The following TBC1D32 variants were observed in gnomAD, a reference collection of about 807,000 sequenced individuals.
TBC1D32 encodes the protein TBC1 domain family member 32.
Under a neutral mutation model 170.3 loss-of-function variants are expected in TBC1D32, and 151 were observed. The observed-to-expected ratio is 0.89, with a 90% CI of 0.78 to 1.01. The LOEUF is 1.01. Among genes scored for constraint, TBC1D32 ranks in the 50% least tolerant of loss-of-function variants. The pLI, the probability that TBC1D32 is intolerant of heterozygous loss-of-function variation, is 0.00. For synonymous variants in TBC1D32, 498 were observed against 488.0 expected (o/e 1.02, Z -0.27); for missense variants, 1,464 against 1,457.1 (o/e 1.00, Z -0.08).
chr6:121,187,954 C>T (rs1789420381), intron 22 of TBC1D32, among the ~76,000 whole-genome samples: 2 of 152,084 alleles, frequency 1.3e-5, no homozygotes, highest in Admixed American at 6.6e-5. Context: ...GATTGTGGGG[C>T]ACCTTGACAT....
Position 121,308,686 on chromosome 6 carries a change from C to CTTTTT in TBC1D32, c.565-590_565-586dup, listed in dbSNP as rs67847088. On this transcript the variant is annotated intron_variant, in intron 4 of 31. Transcript: ENST00000398212. The stretch of plus-strand genomic sequence containing the variant: ...CTGTATTTTCACAGAAAGCTTACTT[C>CTTTTT]TTTTTTTTTTTTTTTTTTTTGAGAC... 7.0e-3 allele frequency among the ~76,000 whole-genome samples: 791 copies of CTTTTT among 112,392 alleles called. 61 individuals are homozygous for CTTTTT. Among genetic ancestry groups the CTTTTT allele is most frequent in the African/African-American group, 0.023 (586 of 25,748 alleles). The allele number at this position is 112,392 out of a possible 152,430, so 73.7% of individuals were successfully genotyped here. A position where few individuals can be genotyped will look rare whatever the true frequency, so the allele number is the denominator to read the frequency against.
At chr6:121,115,978 C>T (rs374770998) in intron 26 of TBC1D32, among the ~76,000 whole-genome samples, 1 of 152,196 alleles carries the variant, frequency 6.6e-6, no homozygotes, top group East Asian at 1.9e-4. Flanking sequence ...TAACAGTGAA[C>T]CCTCAAAGGC....
chr6:121,200,677 T>G (rs994455866), intron 22 of TBC1D32, among the ~76,000 whole-genome samples: 5 of 151,482 alleles, frequency 3.3e-5, no homozygotes, highest in Admixed American at 6.6e-5. Flanking sequence ...AAATTAACTA[T>G]TAAATCTGTG....
Position 121,273,616 on chromosome 6 carries a change from C to G in TBC1D32, c.1733+5505G>C. ...AAAACCTGCACATTGTGCACATGTA[C>G]CCTAGAACTTAAAGTATAATTTAAA... On this transcript the variant is annotated intron_variant, in intron 15 of 31. Coordinates refer to ENST00000398212, the MANE Select transcript of TBC1D32 (RefSeq NM_152730.6). Among the ~76,000 whole-genome samples, 4 of 150,712 alleles carry G rather than the reference C, an allele frequency of 2.7e-5. 2 individuals carry two copies. Among genetic ancestry groups the G allele is most frequent in the Admixed American group, 2.7e-4 (4 of 15,078 alleles).
In TBC1D32 at chr6:121,255,426, A is replaced by C; in HGVS notation, c.1936-16T>G. ...GCAAACTTGTCTAAAAAATAGTAGA[A>C]TAATTTATATTGCTTACTGATAGCA... On this transcript the variant is annotated splice_polypyrimidine_tract_variant and intron_variant, in intron 16 of 31. Coordinates refer to ENST00000398212, the MANE Select transcript of TBC1D32 (RefSeq NM_152730.6). 1 of 1,287,290 alleles carries C rather than the reference A, an allele frequency of 7.8e-7. No homozygotes were observed. The highest frequency in any genetic ancestry group is 2.7e-5 in the East Asian group (1 of 36,682). The allele number at this position is 1,287,290 out of a possible 1,614,324, so 79.7% of individuals were successfully genotyped here.
intron 3 of TBC1D32, 99 bp downstream of exon 3, chr6:121,317,396 C>A: frequency 1.1e-6 from 1 of 915,834 alleles, no homozygotes; most frequent in Non-Finnish European, 1.6e-6. Flanking sequence ...TCTCCTGAAT[C>A]TTAAGAAGGC....
chr6:121,332,434 G>A (rs929712559), intron 1 of TBC1D32, among the ~76,000 whole-genome samples: 1 of 152,086 alleles, frequency 6.6e-6, no homozygotes, highest in Non-Finnish European at 1.5e-5. Context: ...GCAAAAGTGG[G>A]AAGATACAAA....
chr6:121,112,978 A>G, intron 28 of TBC1D32, 84 bp downstream of exon 28: 3 of 961,176 alleles, frequency 3.1e-6, no homozygotes, highest in Admixed American at 2.4e-5. Context: ...ACTTTACTAT[A>G]AATGTGTCAA....
intron 31 of TBC1D32, among the ~76,000 whole-genome samples, chr6:121,084,318 T>C (rs1384828607): frequency 6.6e-6 from 1 of 152,166 alleles, no homozygotes; most frequent in Non-Finnish European, 1.5e-5. Flanking sequence ...CATGAGTGAA[T>C]GAGCAATACC....
chr6:121,114,601 G>A (rs915389046), intron 27 of TBC1D32, among the ~76,000 whole-genome samples: 8 of 152,084 alleles, frequency 5.3e-5, no homozygotes, highest in East Asian at 3.9e-4. Flanking sequence ...AATCTTACAC[G>A]TATCTTTTTA....
intron 1 of TBC1D32, among the ~76,000 whole-genome samples, chr6:121,324,543 AAAAC>A (rs1810203022): frequency 6.6e-6 from 1 of 152,168 alleles, no homozygotes; most frequent in Admixed American, 6.5e-5. Context: ...CAGTCCAAGA[AAAAC>A]AAAACCCAAA....
chr6:121,185,978 T>C (rs1484954081), intron 22 of TBC1D32, among the ~76,000 whole-genome samples: 1 of 152,016 alleles, frequency 6.6e-6, no homozygotes, highest in African/African-American at 2.4e-5. Flanking sequence ...TAGAAACCAA[T>C]GTATGATGTT....
Position 121,261,413 on chromosome 6 carries a change from A to G in TBC1D32, c.1734-5128T>C, listed in dbSNP as rs184029333. Among the ~76,000 whole-genome samples the G allele has an allele frequency of 6.9e-3, 1,049 of 152,238 alleles. 12 individuals carry two copies. Among genetic ancestry groups the G allele is most frequent in the African/African-American group, 0.023 (943 of 41,532 alleles). ...CCCTCAAGGTCAGAGATCCCAGAGG[A>G]AAGAGCCAGGCACCCATCTTTGCTG... On this transcript the variant is annotated intron_variant, in intron 15 of 31. Transcript: ENST00000398212.
At chr6:121,205,252 C>A in intron 21 of TBC1D32, 89 bp from the exon 22 acceptor site, 1 of 613,634 alleles carries the variant, frequency 1.6e-6, no homozygotes, top group Non-Finnish European at 2.7e-6. Flanking sequence ...ATTTGTGGCT[C>A]TCAAATTTGC....
chr6:121,093,580 G>C (rs1020298235), intron 30 of TBC1D32, among the ~76,000 whole-genome samples: 4 of 152,180 alleles, frequency 2.6e-5, no homozygotes, highest in Non-Finnish European at 1.5e-5. Context: ...GGAGTGAATG[G>C]GAAGTTGATA....
rs1351186256 is a variant in TBC1D32 at position 121,268,752 on chromosome 6, T to C, written c.1733+10369A>G. Among the ~76,000 whole-genome samples, 3 of 152,030 alleles carry C rather than the reference T, an allele frequency of 2.0e-5. No individual in the cohort carries two copies. The East Asian group carries it at 5.8e-4, about 29-fold the overall frequency. The stretch of plus-strand genomic sequence containing the variant: ...CAGGCCAACATTCAAATTCAGGAAG[T>C]ACAGAGAACACCACAAAGATACTCC... On this transcript the variant is annotated intron_variant, in intron 15 of 31. Transcript: ENST00000398212.
At chr6:121,230,095 GTAGTTCT>G (rs374616443) in intron 20 of TBC1D32, among the ~76,000 whole-genome samples, 6 of 152,122 alleles carry the variant, frequency 3.9e-5, no homozygotes, top group African/African-American at 1.4e-4. Context: ...CCAGTCTCGG[GTAGTTCT>G]TCATAGTAGT....
chr6:121,126,949 C>A (rs1014413274), intron 25 of TBC1D32, among the ~76,000 whole-genome samples: 1 of 152,126 alleles, frequency 6.6e-6, no homozygotes, highest in Admixed American at 6.5e-5. Context: ...CTTGACCTAT[C>A]TGGCTTGGAA....
chr6:121,333,581 A>G (rs1177644134), intron 1 of TBC1D32, among the ~76,000 whole-genome samples: 1 of 152,174 alleles, frequency 6.6e-6, no homozygotes, highest in Non-Finnish European at 1.5e-5. Context: ...TTAAAATATC[A>G]GCAGATATTT....
Sources: allele counts gnomAD v4.1 joint callset (sites outside exome capture counted in the v4.1 genomes callset), GRCh38; gene constraint gnomAD v4.1.1; transcripts MANE v1.5; gene names NCBI Gene and HGNC (gene_info 2026-07-23, HGNC 2026-07-21).